The following PCDHA8 variants were observed in gnomAD, a reference collection of about 807,000 sequenced individuals.
PCDHA8 encodes the protein protocadherin alpha 8.
Under a neutral mutation model 61.8 loss-of-function variants are expected in PCDHA8, and 53 were observed. That is an observed-to-expected ratio of 0.86 (90% CI 0.69 to 1.08). The LOEUF (loss-of-function observed/expected upper bound fraction) is 1.08. PCDHA8 is among the 50% of genes least tolerant of loss of function. The pLI is 0.00. For missense variants in PCDHA8, 1,293 were observed against 1,245.0 expected, an observed-to-expected ratio of 1.04 and a Z score of -0.58; for synonymous variants, 618 against 556.6, an observed-to-expected ratio of 1.11 and a Z score of -1.55.
chr5:140,901,100 C>G (rs1172808892), intron 1 of PCDHA8, among the ~76,000 whole-genome samples: 1 of 152,002 alleles, frequency 6.6e-6, no homozygotes, highest in East Asian at 1.9e-4. Flanking sequence ...CTTCTACATT[C>G]TGGTTATTCA....
At chr5:140,876,630 C>T in intron 1 of PCDHA8, 2 of 1,614,226 alleles carry the variant, frequency 1.2e-6, no homozygotes, top group Non-Finnish European at 1.7e-6. Context: ...GACAGGTCAT[C>T]TGCTCACTGA....
rs567582281 is a variant in PCDHA8 at position 140,946,595 on chromosome 5, G to C, written c.2395-32354G>C. ...CTTAGGTGTTCATAGTGGATGAATA[G>C]ATAAAGAAAATGTGAAATATATATA... On this transcript the variant is annotated intron_variant, in intron 1 of 3. Transcript: ENST00000531613. Among the ~76,000 whole-genome samples, 13 of 108,580 alleles carry C rather than the reference G, an allele frequency of 1.2e-4. No homozygotes were observed. In the South Asian group the frequency reaches 1.5e-3, roughly 12 times the overall value. 71.2% of individuals were successfully genotyped at this position (108,580 alleles called of 152,430 possible).
In PCDHA8 at chr5:140,842,530, T is replaced by C; in HGVS notation, c.1209T>C (p.Asn403=). The C allele has an allele frequency of 6.2e-7, 1 of 1,613,064 alleles. No homozygotes were observed. Among genetic ancestry groups the C allele is most frequent in the South Asian group, 1.1e-5 (1 of 91,078 alleles). ...VPFKLVSTFK[N]YYSLVLDSAL... is the part of the protein sequence containing the mutation. ...TCAAGCTGGTGTCCACCTTCAAGAA[T>C]TACTACTCGTTGGTGCTGGACAGCG... Residue 403 remains asparagine, a synonymous_variant, in exon 1 of 4, where the codon AAT becomes AAC. Transcript: ENST00000531613.
chr5:140,955,951 T>C (rs529805581), intron 1 of PCDHA8, among the ~76,000 whole-genome samples: 12 of 152,248 alleles, frequency 7.9e-5, no homozygotes, highest in South Asian at 2.1e-4. Context: ...GTCTACTTGC[T>C]TGTTGTTTGT....
intron 1 of PCDHA8, chr5:140,853,828 C>T: frequency 2.0e-6 from 2 of 986,484 alleles, no homozygotes; most frequent in South Asian, 9.5e-5. Flanking sequence ...TCTCATACAA[C>T]CGAAATTTTA....
chr5:140,855,992 T>A lies in PCDHA8; in HGVS notation c.2394+12277T>A, dbSNP rs2043714140. On this transcript the variant is annotated intron_variant, in intron 1 of 3. Transcript: ENST00000531613. ...AAGAAATAGGACAGAAAATGTCAGA[T>A]CGTATGTGCGTTCTAGACCGCTGAT... 1.6e-5 allele frequency: 24 copies of A among 1,492,840 alleles called. 4 individuals carry two copies. The highest frequency in any genetic ancestry group is 1.2e-4 in the South Asian group (9 of 76,326). 92.5% of individuals were successfully genotyped at this position (1,492,840 alleles called of 1,614,324 possible).
At chr5:140,902,331 C>A (rs1271812504) in intron 1 of PCDHA8, among the ~76,000 whole-genome samples, 1 of 151,712 alleles carries the variant, frequency 6.6e-6, no homozygotes, top group African/African-American at 2.4e-5. Flanking sequence ...ACTCACTTCG[C>A]CTGGCCTAGG....
chr5:140,968,159 A>T, intron 1 of PCDHA8: 6 of 1,614,136 alleles, frequency 3.7e-6, no homozygotes, highest in Non-Finnish European at 4.2e-6. Flanking sequence ...CATCAATGAC[A>T]ATCCACCAAG....
intron 1 of PCDHA8, chr5:140,856,374 T>A (rs568319142): frequency 1.3e-6 from 2 of 1,598,376 alleles, no homozygotes; most frequent in Middle Eastern, 3.3e-4. Context: ...GAGGTGATCG[T>A]GGACAGGCCG....
At chr5:140,967,876 G>C (rs369514758) in intron 1 of PCDHA8, 1 of 1,614,144 alleles carries the variant, frequency 6.2e-7, no homozygotes, top group Non-Finnish European at 8.5e-7. Flanking sequence ...TCACGGACCT[G>C]TATAGCCCAG....
intron 1 of PCDHA8, among the ~76,000 whole-genome samples, chr5:140,954,634 T>C (rs1366737169): frequency 6.6e-6 from 1 of 152,210 alleles, no homozygotes; most frequent in Admixed American, 6.5e-5. Flanking sequence ...GTTTTTCTTG[T>C]AAATTTGTTT....
intron 3 of PCDHA8, among the ~76,000 whole-genome samples, chr5:140,992,700 G>A (rs2097525204): frequency 6.6e-6 from 1 of 152,162 alleles, no homozygotes; most frequent in Non-Finnish European, 1.5e-5. Flanking sequence ...GGTGGGTAAT[G>A]TTCCTGCCAG....
At chr5:140,859,226 A>G (rs190980812) in intron 1 of PCDHA8, 1 of 149,940 alleles carries the variant, frequency 6.7e-6, no homozygotes, top group East Asian at 1.9e-4. Flanking sequence ...ACTTTAAGGA[A>G]GGAGTCATGC....
intron 1 of PCDHA8, chr5:140,930,379 G>A (rs1249793792): frequency 1.3e-5 from 2 of 151,896 alleles, no homozygotes; most frequent in African/African-American, 2.4e-5. Context: ...GTGGCCCTTG[G>A]CATTTCAAAA....
intron 1 of PCDHA8, chr5:140,859,995 A>C (rs1279929843): frequency 6.6e-6 from 1 of 152,046 alleles, no homozygotes; most frequent in Non-Finnish European, 1.5e-5. Context: ...CTCTCCATCA[A>C]TACTAACTTA....
chr5:140,916,227 C>T (rs1554197349), intron 1 of PCDHA8, among the ~76,000 whole-genome samples: 2 of 152,208 alleles, frequency 1.3e-5, no homozygotes, highest in African/African-American at 4.8e-5. Context: ...AATATGCTTT[C>T]CAGGAGCCAA....
chr5:140,951,333 G>A (rs922078825), intron 1 of PCDHA8, among the ~76,000 whole-genome samples: 1 of 151,964 alleles, frequency 6.6e-6, no homozygotes, highest in African/African-American at 2.4e-5. Flanking sequence ...TCATCATTCT[G>A]TTTGTGTTAG....
intron 1 of PCDHA8, among the ~76,000 whole-genome samples, chr5:140,912,408 T>A (rs1376927432): frequency 6.6e-6 from 1 of 152,054 alleles, no homozygotes; most frequent in Non-Finnish European, 1.5e-5. Flanking sequence ...TCAGCTTGGT[T>A]ATTATTGGTG....
intron 1 of PCDHA8, among the ~76,000 whole-genome samples, chr5:140,844,423 T>C (rs1779370902): frequency 6.7e-6 from 1 of 149,538 alleles, no homozygotes; most frequent in South Asian, 2.1e-4. Flanking sequence ...ATGTTTTTTA[T>C]TCTACATGAT....
Sources: allele counts gnomAD v4.1 joint callset (sites outside exome capture counted in the v4.1 genomes callset), GRCh38; gene constraint gnomAD v4.1.1; transcripts MANE v1.5; gene names NCBI Gene and HGNC (gene_info 2026-07-23, HGNC 2026-07-21).